Variants in TENM2 observed in about 807,000 individuals in gnomAD.
TENM2 encodes the protein teneurin transmembrane protein 2.
Under a neutral mutation model 245.2 loss-of-function variants are expected in TENM2, and 52 were observed. The observed-to-expected ratio is 0.21, with a 90% CI of 0.17 to 0.27. The LOEUF (loss-of-function observed/expected upper bound fraction) is 0.27, where lower values mean the gene tolerates loss of function less well. Among genes scored for constraint, TENM2 ranks in the 10% least tolerant of loss-of-function variants. The pLI is 1.00. For missense variants in TENM2, 3,046 were observed against 3,666.8 expected, an observed-to-expected ratio of 0.83 and a Z score of 4.37; for synonymous variants, 1,363 against 1,438.9, an observed-to-expected ratio of 0.95 and a Z score of 1.19.
At chr5:167,785,033 T>C (rs893298751) in intron 2 of TENM2, among the ~76,000 whole-genome samples, 4 of 152,250 alleles carry the variant, frequency 2.6e-5, no homozygotes, top group African/African-American at 2.4e-5. Flanking sequence ...CAGCCCTGCA[T>C]GGCATTCTGA....
intron 5 of TENM2, among the ~76,000 whole-genome samples, chr5:168,035,095 ACTGTCT>A (rs780498424): frequency 1.3e-5 from 2 of 152,360 alleles, no homozygotes; most frequent in Non-Finnish European, 2.9e-5. Context: ...AAATCTTTTT[ACTGTCT>A]CATTAAAGAT....
At chr5:168,005,088 G>T (rs1431897761) in intron 5 of TENM2, among the ~76,000 whole-genome samples, 1 of 152,150 alleles carries the variant, frequency 6.6e-6, no homozygotes, top group South Asian at 2.1e-4. Flanking sequence ...TGATTGCATG[G>T]TGTTGTATTC....
chr5:167,187,764 C>T, the TENM2 span, among the ~76,000 whole-genome samples: 4 of 152,060 alleles, frequency 2.6e-5, no homozygotes, highest in South Asian at 4.2e-4. Flanking sequence ...ATCTGTTCTC[C>T]GGGGAGCCTG....
chr5:167,569,603 G>T (rs1774143100), intron 2 of TENM2, among the ~76,000 whole-genome samples: 1 of 152,176 alleles, frequency 6.6e-6, no homozygotes, highest in Non-Finnish European at 1.5e-5. Flanking sequence ...CAGTTTTGTT[G>T]TCTGTAAAAT....
chr5:167,325,619 C>T (rs773518672), intron 1 of TENM2, among the ~76,000 whole-genome samples: 8 of 152,168 alleles, frequency 5.3e-5, no homozygotes, highest in African/African-American at 1.2e-4. Context: ...AGAAATGCTC[C>T]TAATTATATC....
chr5:168,259,456 C>T (rs528735124), intron 27 of TENM2, among the ~76,000 whole-genome samples: 7 of 152,240 alleles, frequency 4.6e-5, no homozygotes, highest in South Asian at 2.1e-4. Context: ...GGTGTGGTGG[C>T]GCATGCCTGT....
At chr5:167,043,768 T>C in the TENM2 span, among the ~76,000 whole-genome samples, 1 of 152,244 alleles carries the variant, frequency 6.6e-6, no homozygotes, top group African/African-American at 2.4e-5. Flanking sequence ...TCCCAGCACT[T>C]TGGGAGGCCG....
chr5:167,286,815 C>A (rs1431068890), intron 1 of TENM2, among the ~76,000 whole-genome samples: 1 of 152,122 alleles, frequency 6.6e-6, no homozygotes, highest in Non-Finnish European at 1.5e-5. Context: ...TCACCTTTTC[C>A]TTTATTAATA....
At chr5:167,136,824 G>A in the TENM2 span, among the ~76,000 whole-genome samples, 2 of 152,030 alleles carry the variant, frequency 1.3e-5, no homozygotes, top group East Asian at 1.9e-4. Flanking sequence ...ATCTCATATT[G>A]TATCTTTTAT....
At chr5:167,476,007 T>C (rs923218857) in intron 2 of TENM2, among the ~76,000 whole-genome samples, 3 of 152,206 alleles carry the variant, frequency 2.0e-5, no homozygotes, top group Non-Finnish European at 2.9e-5. Context: ...TTTTTTAAAG[T>C]ATTTAAGTGA....
At chr5:167,600,039 G>A (rs1016768192) in intron 2 of TENM2, among the ~76,000 whole-genome samples, 3 of 89,782 alleles carry the variant, frequency 3.3e-5, no homozygotes, top group Non-Finnish European at 6.7e-5. Context: ...CCAGCTACTC[G>A]AGAGGCTGAG....
chr5:167,401,181 A>C (rs1006384128), intron 2 of TENM2, among the ~76,000 whole-genome samples: 1 of 152,268 alleles, frequency 6.6e-6, no homozygotes, highest in African/African-American at 2.4e-5. Flanking sequence ...GTACATATGT[A>C]GAGATCTTGC....
At chr5:167,493,670 T>C (rs1768591349) in intron 2 of TENM2, among the ~76,000 whole-genome samples, 1 of 152,126 alleles carries the variant, frequency 6.6e-6, no homozygotes, top group Non-Finnish European at 1.5e-5. Flanking sequence ...TTCATAAGAA[T>C]TTAGTCAGTG....
chr5:167,588,799 C>T (rs1191435936), intron 2 of TENM2, among the ~76,000 whole-genome samples: 3 of 152,194 alleles, frequency 2.0e-5, no homozygotes, highest in African/African-American at 7.2e-5. Context: ...TCTGGTTACT[C>T]AACAAGTGGA....
At position 168,169,403 on chromosome 5, in the gene TENM2, G is replaced by A. The variant is rs974106289; in HGVS notation, c.2569+6646G>A. Among the ~76,000 whole-genome samples, 9 of 152,312 alleles carry A rather than the reference G, an allele frequency of 5.9e-5. No homozygotes were observed. In the East Asian group the frequency reaches 1.7e-3, roughly 29 times the overall value. The stretch of plus-strand genomic sequence containing the variant: ...TCCAAAGGAGGCTGCCTTGGGTTAA[G>A]AGACGTGGATCCTGGCCTGAGCTCT... On this transcript the variant is annotated intron_variant, in intron 13 of 28. Coordinates refer to ENST00000518659, the Ensembl canonical transcript of TENM2.
intron 2 of TENM2, among the ~76,000 whole-genome samples, chr5:167,412,564 A>G (rs1054627879): frequency 1.3e-5 from 2 of 152,140 alleles, no homozygotes; most frequent in Non-Finnish European, 2.9e-5. Flanking sequence ...CTATTACTCA[A>G]TCTTAGAAGT....
At chr5:167,104,697 T>C in the TENM2 span, among the ~76,000 whole-genome samples, 1 of 152,178 alleles carries the variant, frequency 6.6e-6, no homozygotes, top group Admixed American at 6.5e-5. Context: ...TAATATTCCC[T>C]ATGAGGTTAA....
At chr5:168,092,509 A>G (rs907625813) in intron 8 of TENM2, among the ~76,000 whole-genome samples, 2 of 152,226 alleles carry the variant, frequency 1.3e-5, no homozygotes, top group Non-Finnish European at 2.9e-5. Context: ...TTTACAGACA[A>G]AGTTTGCCAA....
chr5:168,233,410 G>A (rs371714744), intron 25 of TENM2, among the ~76,000 whole-genome samples: 2 of 152,186 alleles, frequency 1.3e-5, no homozygotes, highest in South Asian at 2.1e-4. Flanking sequence ...CTGGTGACAA[G>A]TGCCATGTGG....
Sources: allele counts gnomAD v4.1 joint callset (sites outside exome capture counted in the v4.1 genomes callset), GRCh38; gene constraint gnomAD v4.1.1; transcripts MANE v1.5; gene names NCBI Gene and HGNC (gene_info 2026-07-23, HGNC 2026-07-21).